Variants in CSMD1 observed in about 807,000 individuals in gnomAD.
CSMD1 encodes the protein CUB and Sushi multiple domains 1, also known as CUB and sushi domain-containing protein 1.
In CSMD1, 213 loss-of-function variants were observed where a neutral mutation model predicts 417.5. The ratio of observed to expected loss-of-function variants is 0.51; its 90% CI spans 0.46 to 0.57. The LOEUF (loss-of-function observed/expected upper bound fraction) is 0.57, where lower values mean the gene tolerates loss of function less well. CSMD1 is among the 20% of genes least tolerant of loss of function. The pLI is 0.00. For missense variants in CSMD1, 6,923 were observed against 4,529.7 expected, an observed-to-expected ratio of 1.53 and a Z score of -15.17; for synonymous variants, 2,862 against 1,736.8, an observed-to-expected ratio of 1.65 and a Z score of -16.11.
At position 3,097,471 on chromosome 8, in the gene CSMD1, C is replaced by T. The variant is rs1350177428; in HGVS notation, c.6950-434G>A. On this transcript the variant is annotated intron_variant, in intron 46 of 69. Coordinates refer to ENST00000635120, the MANE Select transcript of CSMD1 (RefSeq NM_033225.6). ...AAATATACAGTAGGCCCCCTTACCCCTGGGGATACATTCCAAGAGCCCTAG... is the reference window on the plus strand; with the variant it reads ...AAATATACAGTAGGCCCCCTTACCCTTGGGGATACATTCCAAGAGCCCTAG... Among the ~76,000 whole-genome samples the T allele has an allele frequency of 2.0e-5, 3 of 152,112 alleles. No homozygotes were observed. In the East Asian group the frequency reaches 5.8e-4, roughly 29 times the overall value.
rs201780632 is a variant in CSMD1 at position 4,214,580 on chromosome 8, G to A, written c.416-182481C>T. Among the ~76,000 whole-genome samples, 9 of 152,298 alleles carry A rather than the reference G, an allele frequency of 5.9e-5. No homozygotes were observed. In the East Asian group the frequency reaches 1.5e-3, roughly 26 times the overall value. ...CCCAAAGTGCTGGAATTACAGGCAT[G>A]AGCCACTGTGCCTGGCCCACCTTAT... is the stretch of plus-strand genomic sequence containing the variant. On this transcript the variant is annotated intron_variant, in intron 3 of 69. Transcript: ENST00000635120.
At position 3,106,641 on chromosome 8, in the gene CSMD1, C is replaced by G. The variant is rs1405257794; in HGVS notation, c.6836G>C (p.Gly2279Ala). The G allele has an allele frequency of 1.2e-6, 2 of 1,602,640 alleles. No homozygotes were observed. Among genetic ancestry groups the G allele is most frequent in the Non-Finnish European group, 1.7e-6 (2 of 1,170,468 alleles). ...GTGGCACTGGTACTTCACAAAATCT[C>G]CTAGAAGAGTCAATGCAACAAACCA... ...MLTEDDDFEI[G>A]DFVKYQCHPG... is the part of the protein sequence containing the mutation. The change falls in exon 46 of 70, where the codon GGA becomes GCA. Residue 2279 changes from glycine to alanine, a missense_variant and splice_region_variant. Coordinates refer to ENST00000635120, the MANE Select transcript of CSMD1 (RefSeq NM_033225.6).
chr8:3,534,131 A>G (rs1798093017), intron 10 of CSMD1, among the ~76,000 whole-genome samples: 1 of 152,174 alleles, frequency 6.6e-6, no homozygotes, highest in African/African-American at 2.4e-5. Context: ...TCTCACTCAT[A>G]TGCACTGTGA....
intron 3 of CSMD1, among the ~76,000 whole-genome samples, chr8:4,363,956 G>C (rs1406536223): frequency 1.3e-5 from 2 of 152,152 alleles, no homozygotes; most frequent in African/African-American, 2.4e-5. Flanking sequence ...AAAAAAGAAA[G>C]AATGAGTAAG....
intron 5 of CSMD1, among the ~76,000 whole-genome samples, chr8:3,949,313 T>C (rs966722033): frequency 6.6e-5 from 10 of 152,254 alleles, no homozygotes; most frequent in South Asian, 2.1e-4. Flanking sequence ...TCATCCTGTC[T>C]CACTGAAATG....
At chr8:3,945,874 C>G (rs1048996268) in intron 5 of CSMD1, among the ~76,000 whole-genome samples, 5 of 152,068 alleles carry the variant, frequency 3.3e-5, no homozygotes, top group African/African-American at 9.7e-5. Context: ...TCCAGAAATG[C>G]TGTAGACATA....
Position 3,106,626 on chromosome 8 carries a change from T to A in CSMD1, c.6851A>T (p.Tyr2284Phe). The change falls in exon 46 of 70, where the codon TAC becomes TTC. Residue 2284 changes from tyrosine (Y) to phenylalanine (F), a missense_variant. Physicochemically the swap from Tyr to Phe is conservative, Grantham distance 22. Transcript: ENST00000635120. ...CAAGGTGTACCCGGGGTGGCACTGG[T>A]ACTTCACAAAATCTCCTAGAAGAGT... ...DDFEIGDFVK[Y>F]QCHPGYTLVG... 1 of 1,612,532 alleles carries A rather than the reference T, an allele frequency of 6.2e-7. No homozygotes were observed. The highest frequency in any genetic ancestry group is 8.5e-7 in the Non-Finnish European group (1 of 1,178,892).
At chr8:3,350,349 T>C (rs1489883560) in intron 21 of CSMD1, among the ~76,000 whole-genome samples, 2 of 144,758 alleles carry the variant, frequency 1.4e-5, no homozygotes, top group Non-Finnish European at 1.5e-5. Context: ...ATAATACCTA[T>C]AATAACCTTC....
intron 3 of CSMD1, among the ~76,000 whole-genome samples, chr8:4,218,721 G>T (rs1647317): frequency 6.6e-6 from 1 of 151,958 alleles, no homozygotes; most frequent in East Asian, 1.9e-4. Context: ...TACAGTGATG[G>T]TGACTGGTTT....
chr8:4,807,046 T>C (rs946977401), intron 1 of CSMD1, among the ~76,000 whole-genome samples: 3 of 152,214 alleles, frequency 2.0e-5, no homozygotes, highest in South Asian at 2.1e-4. Flanking sequence ...AATAGACTTA[T>C]CTTGAAATAG....
chr8:4,293,218 G>A (rs955367286), intron 3 of CSMD1, among the ~76,000 whole-genome samples: 12 of 152,226 alleles, frequency 7.9e-5, no homozygotes, highest in Non-Finnish European at 1.6e-4. Flanking sequence ...CAATGATGCC[G>A]TCCTCAAGGC....
At chr8:3,894,906 C>G (rs772405502) in intron 5 of CSMD1, among the ~76,000 whole-genome samples, 10 of 152,094 alleles carry the variant, frequency 6.6e-5, no homozygotes, top group Non-Finnish European at 1.3e-4. Flanking sequence ...ACAGTGGGTT[C>G]CTAGTATTCA....
intron 18 of CSMD1, among the ~76,000 whole-genome samples, chr8:3,372,609 G>A (rs975381694): frequency 6.6e-6 from 1 of 152,124 alleles, no homozygotes; most frequent in African/African-American, 2.4e-5. Context: ...AGGAGGAGCT[G>A]GGGGTGATTG....
chr8:3,325,535 C>G (rs946516039), intron 23 of CSMD1, among the ~76,000 whole-genome samples: 2 of 152,156 alleles, frequency 1.3e-5, no homozygotes, highest in African/African-American at 4.8e-5. Flanking sequence ...AAGTAAATAA[C>G]AAGGTCGCCT....
chr8:4,329,706 A>G (rs1799761090), intron 3 of CSMD1, among the ~76,000 whole-genome samples: 1 of 152,010 alleles, frequency 6.6e-6, no homozygotes. Flanking sequence ...AGTGTTGGAG[A>G]TGAGGTCCGG....
chr8:3,041,153 G>A (rs1419203426), intron 50 of CSMD1, among the ~76,000 whole-genome samples: 2 of 152,108 alleles, frequency 1.3e-5, no homozygotes, highest in African/African-American at 2.4e-5. Context: ...TGAAATTGAT[G>A]TCATTCAACA....
At chr8:4,075,739 T>C (rs1022752282) in intron 3 of CSMD1, among the ~76,000 whole-genome samples, 10 of 152,088 alleles carry the variant, frequency 6.6e-5, no homozygotes, top group Non-Finnish European at 1.5e-4. Context: ...TGTTCTCAGG[T>C]TGTGTGTCCC....
chr8:4,516,534 C>T (rs999184593), intron 2 of CSMD1, among the ~76,000 whole-genome samples: 9 of 152,132 alleles, frequency 5.9e-5, no homozygotes, highest in Non-Finnish European at 8.8e-5. Context: ...GTGCCATTCT[C>T]CCCTGCTTGG....
rs994126075 is a variant in CSMD1, at chr8:2,942,617, G to A, written c.10403-13C>T. ...GGGTTTAAAGGATCTGTAAGATAAA[G>A]GAAATATTAAATTTGTTGTTACTGT... is the stretch of plus-strand genomic sequence containing the variant. On this transcript the variant is annotated splice_polypyrimidine_tract_variant and intron_variant, in intron 68 of 69. Transcript: ENST00000635120. The A allele has an allele frequency of 2.6e-6, 4 of 1,544,848 alleles. No homozygotes were observed. The highest frequency in any genetic ancestry group is 2.8e-5 in the African/African-American group (2 of 72,582).
Sources: gnomAD v4.1 joint callset for allele counts (sites outside exome capture counted in the v4.1 genomes callset) on GRCh38, gnomAD v4.1.1 for gene constraint, MANE v1.5 for transcripts, NCBI Gene and HGNC (gene_info 2026-07-23, HGNC 2026-07-21) for gene names.